The following CTNNA2 variants were observed in gnomAD, a reference collection of about 807,000 sequenced individuals.
CTNNA2 encodes catenin alpha 2.
Under a neutral mutation model 101.0 loss-of-function variants are expected in CTNNA2, and 42 were observed. The ratio of observed to expected loss-of-function variants is 0.42; its 90% CI spans 0.32 to 0.54. CTNNA2 has a LOEUF of 0.54. Ranked by LOEUF, CTNNA2 falls within the 20% of genes least tolerant of loss-of-function variation. The pLI is 0.14. For missense variants in CTNNA2, 871 were observed against 1,223.1 expected, an observed-to-expected ratio of 0.71 and a Z score of 4.29; for synonymous variants, 450 against 456.4, an observed-to-expected ratio of 0.99 and a Z score of 0.18.
chr2:79,365,444 G>C (rs1434174), intron 3 of CTNNA2, among the ~76,000 whole-genome samples: 44,318 of 151,482 alleles, frequency 0.29, 6,655 homozygotes, highest in Middle Eastern at 0.44. Context: ...GCAACATAGT[G>C]GGAACTCCAT....
intron 7 of CTNNA2, among the ~76,000 whole-genome samples, chr2:80,213,485 CA>C (rs1244220317): frequency 2.0e-5 from 3 of 152,192 alleles, no homozygotes; most frequent in Admixed American, 1.3e-4. Context: ...AGTAGTCATT[CA>C]GGAGCACATT....
At chr2:79,883,771 T>A (rs1455873322) in intron 6 of CTNNA2, among the ~76,000 whole-genome samples, 1 of 152,156 alleles carries the variant, frequency 6.6e-6, no homozygotes, top group African/African-American at 2.4e-5. Context: ...GAAGATACTT[T>A]CAAAAAATTT....
At chr2:80,366,415 G>A (rs999227627) in intron 7 of CTNNA2, among the ~76,000 whole-genome samples, 1 of 152,064 alleles carries the variant, frequency 6.6e-6, no homozygotes, top group Non-Finnish European at 1.5e-5. Flanking sequence ...TGGCAGTGGC[G>A]GCGTGTGTGT....
At chr2:80,492,125 T>C (rs1046056409) in intron 9 of CTNNA2, among the ~76,000 whole-genome samples, 7 of 152,288 alleles carry the variant, frequency 4.6e-5, no homozygotes, top group Admixed American at 2.0e-4. Context: ...TAGGAGGTGA[T>C]TGGATCATGG....
At chr2:79,386,904 G>A (rs991049032) in intron 4 of CTNNA2, among the ~76,000 whole-genome samples, 6 of 152,082 alleles carry the variant, frequency 3.9e-5, no homozygotes, top group African/African-American at 1.4e-4. Context: ...TATTTGCTAG[G>A]TGCATTTATT....
At chr2:79,617,986 C>T (rs1678742383) in intron 1 of CTNNA2, among the ~76,000 whole-genome samples, 1 of 152,262 alleles carries the variant, frequency 6.6e-6, no homozygotes, top group East Asian at 1.9e-4. Context: ...TCCAATTAGG[C>T]TCCAGTAAAT....
intron 2 of CTNNA2, among the ~76,000 whole-genome samples, chr2:79,654,986 T>TA (rs1312646465): frequency 6.6e-6 from 1 of 152,210 alleles, no homozygotes; most frequent in Non-Finnish European, 1.5e-5. Flanking sequence ...AACCTAAATA[T>TA]AAAATATGGA....
chr2:80,619,251 CTAATGTCTTTCATTG>C (rs1699107981), intron 18 of CTNNA2, 23 bp downstream of exon 18: 1 of 1,501,440 alleles, frequency 6.7e-7, no homozygotes, highest in South Asian at 1.3e-5. Flanking sequence ...ACTTTCTAAT[CTAATGTCTTTCATTG>C]TAATCATGAA....
At chr2:79,854,847 A>G (rs992175677) in intron 3 of CTNNA2, among the ~76,000 whole-genome samples, 2 of 152,174 alleles carry the variant, frequency 1.3e-5, no homozygotes. Context: ...TCCCTCTTAC[A>G]CATGCATACT....
At chr2:80,190,914 A>G (rs1227091979) in intron 7 of CTNNA2, among the ~76,000 whole-genome samples, 1 of 152,136 alleles carries the variant, frequency 6.6e-6, no homozygotes, top group East Asian at 1.9e-4. Context: ...TCTTTATCCT[A>G]TGAGCTGTCC....
intron 7 of CTNNA2, among the ~76,000 whole-genome samples, chr2:79,991,611 G>A (rs532072761): frequency 5.9e-5 from 9 of 152,260 alleles, no homozygotes; most frequent in Admixed American, 3.9e-4. Flanking sequence ...AACTATAAAT[G>A]TGTTTGTGTT....
chr2:79,964,228 C>T (rs997830404), intron 7 of CTNNA2, among the ~76,000 whole-genome samples: 6 of 152,126 alleles, frequency 3.9e-5, no homozygotes, highest in Admixed American at 1.3e-4. Context: ...ATGTCCTGAC[C>T]GGTGTCAGAA....
intron 7 of CTNNA2, among the ~76,000 whole-genome samples, chr2:80,259,625 C>A (rs1007817981): frequency 1.3e-5 from 2 of 152,208 alleles, no homozygotes; most frequent in African/African-American, 4.8e-5. Flanking sequence ...GTGGATCTCA[C>A]AAGGTGTTCC....
chr2:79,326,939 C>T (rs1676761355), intron 3 of CTNNA2, among the ~76,000 whole-genome samples: 1 of 152,124 alleles, frequency 6.6e-6, no homozygotes, highest in South Asian at 2.1e-4. Context: ...AGGAGAAGAG[C>T]ATTGGATCTG....
intron 2 of CTNNA2, among the ~76,000 whole-genome samples, chr2:79,203,023 A>G (rs1022648591): frequency 6.6e-6 from 1 of 152,218 alleles, no homozygotes; most frequent in Non-Finnish European, 1.5e-5. Flanking sequence ...CTCAGTTGAC[A>G]GCTTATCTTT....
At chr2:79,497,259 G>T (rs1300202450) in intron 4 of CTNNA2, among the ~76,000 whole-genome samples, 1 of 152,094 alleles carries the variant, frequency 6.6e-6, no homozygotes, top group East Asian at 1.9e-4. Flanking sequence ...TGTTTCCCCA[G>T]CACGGCCCTG....
chr2:79,513,162 G>C lies in CTNNA2; in HGVS notation c.-51G>C, dbSNP rs1004377612. 3 of 152,688 alleles carry C rather than the reference G, an allele frequency of 2.0e-5. No homozygotes were observed. Among genetic ancestry groups the C allele is most frequent in the Middle Eastern group, 3.3e-3 (1 of 300 alleles). 9.5% of individuals were successfully genotyped at this position (152,688 alleles called of 1,614,324 possible). A position where few individuals can be genotyped will look rare whatever the true frequency, so the allele number is the denominator to read the frequency against. ...GATTACCACTCCAGCTGCTGGGAAC[G>C]GGCGAGAAAGAGGAGGAGGCGAGAA... On this transcript the variant is annotated 5_prime_UTR_variant, in exon 1 of 19. Coordinates refer to ENST00000402739, the MANE Select transcript of CTNNA2 (RefSeq NM_001282597.3).
At chr2:79,474,317 A>G (rs1393778065) in intron 4 of CTNNA2, among the ~76,000 whole-genome samples, 1 of 152,202 alleles carries the variant, frequency 6.6e-6, no homozygotes, top group African/African-American at 2.4e-5. Flanking sequence ...GTGTCCAGCA[A>G]TACAAAGGAA....
intron 7 of CTNNA2, among the ~76,000 whole-genome samples, chr2:80,011,600 GATGA>G (rs66695239): frequency 0.55 from 82,672 of 151,494 alleles, 24,740 homozygotes; most frequent in East Asian, 0.75. Context: ...GAGGGAGTTA[GATGA>G]ATGATCTCCA....
Sources: allele counts gnomAD v4.1 joint callset (sites outside exome capture counted in the v4.1 genomes callset), GRCh38; gene constraint gnomAD v4.1.1; transcripts MANE v1.5; gene names NCBI Gene and HGNC (gene_info 2026-07-23, HGNC 2026-07-21).